TXLNB: variants seen among roughly 807,000 people sequenced by gnomAD.
TXLNB encodes the protein taxilin beta.
TXLNB carries 37 observed loss-of-function variants against 57.4 expected under a neutral mutation model. That is an observed-to-expected ratio of 0.64 (90% CI 0.50 to 0.85). The LOEUF is 0.85. Ranked by LOEUF, TXLNB falls within the 40% of genes least tolerant of loss-of-function variation. The pLI, the probability that TXLNB is intolerant of heterozygous loss-of-function variation, is 0.00. For synonymous variants in TXLNB, 302 were observed against 309.6 expected (o/e 0.98, Z 0.26); for missense variants, 848 against 825.6 (o/e 1.03, Z -0.33).
the TXLNB span, among the ~76,000 whole-genome samples, chr6:139,185,524 A>C: frequency 6.6e-6 from 1 of 152,018 alleles, no homozygotes; most frequent in East Asian, 1.9e-4. Flanking sequence ...ACACGGTGAA[A>C]CCCCGTCTCT....
chr6:139,233,531 G>A, the TXLNB span, among the ~76,000 whole-genome samples: 1 of 151,724 alleles, frequency 6.6e-6, no homozygotes, highest in African/African-American at 2.4e-5. Flanking sequence ...TGACCTCCTG[G>A]ACTTGGTGAG....
chr6:139,302,121 T>C, the TXLNB span, among the ~76,000 whole-genome samples: 1 of 152,112 alleles, frequency 6.6e-6, no homozygotes, highest in African/African-American at 2.4e-5. Flanking sequence ...TTTTTGTATA[T>C]TTAGCTAAAA....
chr6:139,232,081 C>T, the TXLNB span, among the ~76,000 whole-genome samples: 1 of 152,062 alleles, frequency 6.6e-6, no homozygotes, highest in Admixed American at 6.6e-5. Context: ...AAAGAACTGC[C>T]CAAGACTAGG....
chr6:139,177,139 G>T, the TXLNB span: 1 of 802,972 alleles, frequency 1.2e-6, no homozygotes, highest in South Asian at 1.4e-5. This position sits in a 1 kb window ranked among gnomAD's most constrained non-coding sequence, Gnocchi z 4.9. Flanking sequence ...CTATTTTATT[G>T]ATATTATTAC....
chr6:139,184,568 A>C, the TXLNB span, among the ~76,000 whole-genome samples: 1 of 151,850 alleles, frequency 6.6e-6, no homozygotes, highest in Non-Finnish European at 1.5e-5. Context: ...GCTTAAGGAG[A>C]ACTCTGGGTA....
the TXLNB span, among the ~76,000 whole-genome samples, chr6:139,182,347 C>CTT: frequency 2.0e-5 from 3 of 152,198 alleles, no homozygotes; most frequent in Middle Eastern, 3.4e-3. Context: ...AGCAAAATTC[C>CTT]TTTGAAATTT....
the TXLNB span, among the ~76,000 whole-genome samples, chr6:139,161,486 G>A: frequency 2.6e-5 from 4 of 152,078 alleles, no homozygotes; most frequent in African/African-American, 7.2e-5. Context: ...GCACAGCTGT[G>A]GTACCTTGTC....
intron 7 of TXLNB, 41 bp downstream of exon 7, chr6:139,255,523 A>G (rs1421132569): frequency 1.3e-6 from 2 of 1,568,486 alleles, no homozygotes; most frequent in Admixed American, 1.7e-5. Context: ...ATCTGGGGAC[A>G]GTGAGGACAG....
At chr6:139,192,354 C>T in the TXLNB span, among the ~76,000 whole-genome samples, 1 of 152,190 alleles carries the variant, frequency 6.6e-6, no homozygotes, top group African/African-American at 2.4e-5. Flanking sequence ...ATGAAGCCTA[C>T]CCTGACCACA....
chr6:139,303,893 G>A, the TXLNB span, among the ~76,000 whole-genome samples: 1 of 148,860 alleles, frequency 6.7e-6, no homozygotes, highest in Non-Finnish European at 1.5e-5. Context: ...AGAAACTAAG[G>A]ATTCTTAAGA....
downstream of TXLNB, among the ~76,000 whole-genome samples, chr6:139,237,182 G>C (rs1330495863): frequency 6.6e-6 from 1 of 151,934 alleles, no homozygotes; most frequent in Non-Finnish European, 1.5e-5. Context: ...TTATAGATTT[G>C]AACTCTTTCA....
At chr6:139,269,539 T>A (rs749838229) in intron 4 of TXLNB, among the ~76,000 whole-genome samples, 37 of 152,194 alleles carry the variant, frequency 2.4e-4, no homozygotes, top group Non-Finnish European at 4.9e-4. Flanking sequence ...ATTTCCCAAA[T>A]ATCAAAAAAC....
At chr6:139,216,473 T>C in the TXLNB span, among the ~76,000 whole-genome samples, 1 of 89,472 alleles carries the variant, frequency 1.1e-5, no homozygotes, top group Non-Finnish European at 2.0e-5. Flanking sequence ...TGGGGCCTGT[T>C]GTGGGGTGGG....
At chr6:139,185,269 C>T in the TXLNB span, among the ~76,000 whole-genome samples, 1 of 148,574 alleles carries the variant, frequency 6.7e-6, no homozygotes. Context: ...TTACTTTTGG[C>T]AGGAGTTACT....
At chr6:139,278,887 C>T (rs535059103) in intron 2 of TXLNB, among the ~76,000 whole-genome samples, 54 of 152,220 alleles carry the variant, frequency 3.5e-4, no homozygotes, top group African/African-American at 1.2e-3. Context: ...GCCTGTAGTC[C>T]CAGCTACTCG....
the TXLNB span, among the ~76,000 whole-genome samples, chr6:139,223,576 A>C: frequency 6.6e-6 from 1 of 152,164 alleles, no homozygotes. Context: ...CAGAATCTAC[A>C]ATGAACCCAA....
intron 6 of TXLNB, among the ~76,000 whole-genome samples, chr6:139,257,458 T>C (rs1301290721): frequency 6.6e-6 from 1 of 152,170 alleles, no homozygotes; most frequent in African/African-American, 2.4e-5. Context: ...GCAAGTGCAA[T>C]TGGAAAGAAA....
At chr6:139,211,086 C>A in the TXLNB span, among the ~76,000 whole-genome samples, 1 of 152,228 alleles carries the variant, frequency 6.6e-6, no homozygotes, top group Admixed American at 6.5e-5. Context: ...ACAGCAATAA[C>A]CTCTGTAGTC....
chr6:139,204,523 A>G, the TXLNB span, among the ~76,000 whole-genome samples: 1 of 152,136 alleles, frequency 6.6e-6, no homozygotes, highest in Non-Finnish European at 1.5e-5. Flanking sequence ...ACAGGGTGAA[A>G]GAAGCTCCCA....
Sources: gnomAD v4.1 joint callset for allele counts (sites outside exome capture counted in the v4.1 genomes callset) on GRCh38, gnomAD v4.1.1 for gene constraint, Gnocchi (gnomAD v3.1) non-coding constraint, MANE v1.5 for transcripts, NCBI Gene and HGNC (gene_info 2026-07-23, HGNC 2026-07-21) for gene names.